CSMD2: variants seen among roughly 807,000 people sequenced by gnomAD.
The protein encoded by CSMD2 is CUB and sushi domain-containing protein 2.
CSMD2 carries 130 observed loss-of-function variants against 398.5 expected under a neutral mutation model. The observed-to-expected ratio is 0.33, with a 90% CI of 0.28 to 0.38. The LOEUF (loss-of-function observed/expected upper bound fraction) is 0.38, where lower values mean the gene tolerates loss of function less well. CSMD2 is among the 10% of genes least tolerant of loss of function. The probability of loss-of-function intolerance (pLI) is 1.00; values close to 1 mark genes in which losing one functional copy is unlikely to be tolerated. For missense variants in CSMD2, 3,829 were observed against 4,764.9 expected (o/e 0.80, Z 5.78); for synonymous variants, 1,828 against 1,908.5 (o/e 0.96, Z 1.10).
chr1:34,095,802 T>C (rs1259363984), intron 1 of CSMD2, among the ~76,000 whole-genome samples: 2 of 150,984 alleles, frequency 1.3e-5, no homozygotes, highest in South Asian at 4.2e-4. Context: ...CAGGACCAGA[T>C]GGATTCACAG....
chr1:34,049,337 G>A (rs960464804), intron 2 of CSMD2, among the ~76,000 whole-genome samples: 15 of 152,260 alleles, frequency 9.9e-5, no homozygotes, highest in African/African-American at 3.1e-4. Flanking sequence ...AGTGTCTGTT[G>A]TGAACCTCTA....
intron 3 of CSMD2, among the ~76,000 whole-genome samples, chr1:33,978,197 G>A (rs1441395355): frequency 1.3e-5 from 2 of 152,218 alleles, no homozygotes; most frequent in Non-Finnish European, 2.9e-5. Flanking sequence ...AACACAGGAA[G>A]TCTGACTCCA....
chr1:33,882,379 T>G (rs1294334076), intron 5 of CSMD2: 2 of 152,216 alleles, frequency 1.3e-5, no homozygotes, highest in African/African-American at 2.4e-5. Flanking sequence ...GGACAGGCTG[T>G]CAATGGACAA....
chr1:33,943,122 CCT>C (rs759768928), intron 3 of CSMD2, among the ~76,000 whole-genome samples: 10 of 152,250 alleles, frequency 6.6e-5, no homozygotes, highest in Non-Finnish European at 1.5e-4. Context: ...AAACACAGAA[CCT>C]ATGGTCTTCT....
chr1:33,958,999 C>T (rs1245513061), intron 3 of CSMD2, among the ~76,000 whole-genome samples: 2 of 152,216 alleles, frequency 1.3e-5, no homozygotes, highest in Non-Finnish European at 2.9e-5. Context: ...TTTATCTCGA[C>T]TCCCTGCTGA....
At chr1:33,826,164 CT>C (rs376768077) in intron 6 of CSMD2, among the ~76,000 whole-genome samples, 12 of 152,208 alleles carry the variant, frequency 7.9e-5, no homozygotes, top group African/African-American at 2.9e-4. Context: ...TTCTCCACAG[CT>C]TTTTCTCTAC....
chr1:34,001,117 A>T lies in CSMD2; in HGVS notation c.517+31477T>A, dbSNP rs141039992. 1.2e-3 allele frequency among the ~76,000 whole-genome samples: 189 copies of T among 152,288 alleles called. 1 individual carries two copies. Among genetic ancestry groups the T allele is most frequent in the African/African-American group, 4.5e-3 (187 of 41,566 alleles). On this transcript the variant is annotated intron_variant, in intron 3 of 70. Coordinates refer to ENST00000373381, the MANE Select transcript of CSMD2 (RefSeq NM_001281956.2). ...TGAATTAAACATATCTGAAAACTCA[A>T]CTCATGAACTTGGCAAGCAAACTTG...
At position 33,693,043 on chromosome 1, in the gene CSMD2, C is replaced by T. The variant is rs775210730; in HGVS notation, c.3939G>A (p.Gly1313=). ...PLPTCVAECG[G]TVRGEVSGQV... is the part of the protein sequence containing the mutation. ...GCCCCGACACCTCTCCTCTCACTGT[C>T]CCTCCACACTCGGCTGAAAGAAATC... Residue 1313 remains glycine, a synonymous_variant, in exon 25 of 71, where the codon GGG becomes GGA. Transcript: ENST00000373381. 1.4e-5 allele frequency: 23 copies of T among 1,599,510 alleles called. No individual in the cohort carries two copies. The highest frequency in any genetic ancestry group is 4.5e-5 in the South Asian group (4 of 88,618).
At chr1:33,616,806 C>A (rs765913766) in intron 39 of CSMD2, 100 bp downstream of exon 39, 1 of 903,016 alleles carries the variant, frequency 1.1e-6, no homozygotes, top group Non-Finnish European at 1.8e-6. Context: ...GAATATCAAA[C>A]TTTCTTCTGA....
chr1:34,103,522 T>TCTC (rs1553316272), intron 1 of CSMD2, among the ~76,000 whole-genome samples: 5 of 152,026 alleles, frequency 3.3e-5, no homozygotes, highest in African/African-American at 7.2e-5. Flanking sequence ...ATGGTCTTGA[T>TCTC]CTGACCTTGC....
chr1:33,788,245 C>T (rs541297987), intron 12 of CSMD2, among the ~76,000 whole-genome samples: 15 of 152,174 alleles, frequency 9.9e-5, no homozygotes, highest in East Asian at 9.7e-4. Flanking sequence ...TGGTGGCTCA[C>T]GCCTGTAACC....
chr1:33,617,450 A>T, intron 38 of CSMD2, 49 bp downstream of exon 38: 1 of 1,441,300 alleles, frequency 6.9e-7, no homozygotes, highest in Non-Finnish European at 9.8e-7. Context: ...CTGGCCAACC[A>T]CATCTCAGGG....
At chr1:33,706,808 A>G (rs886399682) in intron 22 of CSMD2, among the ~76,000 whole-genome samples, 14 of 150,598 alleles carry the variant, frequency 9.3e-5, no homozygotes, top group African/African-American at 2.7e-4. Context: ...GTGCGCGTGC[A>G]TGTGTTTGTG....
chr1:34,072,698 T>C (rs1421525637), intron 2 of CSMD2, among the ~76,000 whole-genome samples: 1 of 152,070 alleles, frequency 6.6e-6, no homozygotes, highest in African/African-American at 2.4e-5. Context: ...GCCACAAATA[T>C]TGATTTTGAC....
rs1368325658 is a variant in CSMD2, at chr1:33,944,743, G to A, written c.518-8789C>T. Among the ~76,000 whole-genome samples the A allele has an allele frequency of 2.6e-5, 4 of 152,212 alleles. No homozygotes were observed. The East Asian group carries it at 7.7e-4, about 29-fold the overall frequency. ...ACAACTGTCTCCTTTTTACAGGGAG[G>A]AAACTGAGGAACAGCCGGGCTAACT... On this transcript the variant is annotated intron_variant, in intron 3 of 70. Transcript: ENST00000373381.
intron 29 of CSMD2, among the ~76,000 whole-genome samples, chr1:33,645,380 CACACACACACACAT>C (rs1344667528): frequency 5.7e-4 from 84 of 148,444 alleles, no homozygotes; most frequent in African/African-American, 1.9e-3. Flanking sequence ...CACACACACA[CACACACACACACAT>C]ATATAAAATA....
intron 1 of CSMD2, among the ~76,000 whole-genome samples, chr1:34,132,721 C>G (rs1023987203): frequency 6.6e-6 from 1 of 152,168 alleles, no homozygotes; most frequent in Non-Finnish European, 1.5e-5. Flanking sequence ...CTGGGATATT[C>G]CCCTGCCATA....
At position 33,778,436 on chromosome 1, in the gene CSMD2, A is replaced by G. The variant is rs192193535; in HGVS notation, c.1664-5685T>C. On this transcript the variant is annotated intron_variant, in intron 12 of 70. Coordinates refer to ENST00000373381, the MANE Select transcript of CSMD2 (RefSeq NM_001281956.2). Reference sequence around the variant, plus strand: ...GGTATAACAGCGAATAAAAGGATGAAAATTTGTTCTTCTGGAGCTCTGGTT... The same window carrying G: ...GGTATAACAGCGAATAAAAGGATGAGAATTTGTTCTTCTGGAGCTCTGGTT... 6.6e-5 allele frequency among the ~76,000 whole-genome samples: 10 copies of G among 152,226 alleles called. 1 individual carries two copies. The East Asian group carries it at 1.7e-3, about 27-fold the overall frequency.
intron 2 of CSMD2, among the ~76,000 whole-genome samples, chr1:34,082,494 T>TG (rs1657349411): frequency 7.0e-6 from 1 of 143,408 alleles, no homozygotes; most frequent in African/African-American, 2.6e-5. Context: ...GTCTGGGAGG[T>TG]GGGGGGCACC....
Sources: allele counts gnomAD v4.1 joint callset (sites outside exome capture counted in the v4.1 genomes callset), GRCh38; gene constraint gnomAD v4.1.1; transcripts MANE v1.5; gene names NCBI Gene and HGNC (gene_info 2026-07-23, HGNC 2026-07-21).